The following ANO3 variants were observed in gnomAD, a reference collection of about 807,000 sequenced individuals.
ANO3 encodes the protein anoctamin-3.
ANO3 carries 99 observed loss-of-function variants against 144.8 expected under a neutral mutation model. That is an observed-to-expected ratio of 0.68 (90% CI 0.58 to 0.81). The LOEUF is 0.81. Ranked by LOEUF, ANO3 falls within the 30% of genes least tolerant of loss-of-function variation. ANO3 has a pLI of 0.00. For missense variants in ANO3, 905 were observed against 1,202.2 expected (o/e 0.75, Z 3.66); for synonymous variants, 414 against 392.6 (o/e 1.05, Z -0.64).
At chr11:26,260,308 T>C (rs994567828) in intron 1 of ANO3, among the ~76,000 whole-genome samples, 1 of 152,196 alleles carries the variant, frequency 6.6e-6, no homozygotes, top group Non-Finnish European at 1.5e-5. Context: ...GTCTGCAGTT[T>C]ACACACCACT....
intron 14 of ANO3, among the ~76,000 whole-genome samples, chr11:26,564,743 A>T (rs1850485479): frequency 3.4e-5 from 1 of 29,450 alleles, no homozygotes. Flanking sequence ...ATATATATAT[A>T]TATATATATA....
chr11:26,570,329 C>G (rs1398901790), intron 14 of ANO3, among the ~76,000 whole-genome samples: 1 of 151,990 alleles, frequency 6.6e-6, no homozygotes, highest in Non-Finnish European at 1.5e-5. Context: ...CAAAAAACAC[C>G]TCTGGCCAGT....
exon 1 of ANO3, chr11:26,189,283 G>A: frequency 1.0e-6 from 1 of 985,304 alleles, no homozygotes; most frequent in Non-Finnish European, 1.2e-6. Context: ...GAACTCTCTG[G>A]TGATTCTAGT....
chr11:26,214,920 A>G (rs1297391543), intron 1 of ANO3, among the ~76,000 whole-genome samples: 1 of 151,956 alleles, frequency 6.6e-6, no homozygotes, highest in Non-Finnish European at 1.5e-5. Flanking sequence ...AGTACAGGTC[A>G]AGTATTTTGT....
Position 26,316,363 on chromosome 11 carries a change from C to T in ANO3, c.-3+6644C>T, listed in dbSNP as rs553696733. Among the ~76,000 whole-genome samples the T allele has an allele frequency of 5.9e-5, 9 of 152,140 alleles. No homozygotes were observed. The South Asian group carries it at 1.7e-3, about 28-fold the overall frequency. Reference sequence around the variant, plus strand: ...CATTTGATTATGAGGTGAGATGGTCCCATGGGATGAAGTAATTCTTTAACA... The same window carrying T: ...CATTTGATTATGAGGTGAGATGGTCTCATGGGATGAAGTAATTCTTTAACA... On this transcript the variant is annotated intron_variant, in intron 1 of 26. Coordinates refer to the ANO3 transcript ENST00000525139.
chr11:26,238,878 T>C (rs1008364071), intron 1 of ANO3, among the ~76,000 whole-genome samples: 3 of 152,006 alleles, frequency 2.0e-5, no homozygotes, highest in African/African-American at 7.2e-5. Flanking sequence ...AGTTAAGCTG[T>C]TTCAAATCAT....
intron 1 of ANO3, among the ~76,000 whole-genome samples, chr11:26,420,614 C>G (rs1181096622): frequency 6.6e-6 from 1 of 152,066 alleles, no homozygotes; most frequent in African/African-American, 2.4e-5. Context: ...AATCCTCAAT[C>G]TAAGCACATG....
chr11:26,519,119 A>G lies in ANO3; in HGVS notation c.692+2192A>G, dbSNP rs543125922. Among the ~76,000 whole-genome samples the G allele has an allele frequency of 2.9e-3, 447 of 152,328 alleles. 1 individual carries two copies. The highest frequency in any genetic ancestry group is 1.0e-2 in the African/African-American group (415 of 41,574). On this transcript the variant is annotated intron_variant, in intron 6 of 26. Transcript: ENST00000256737. ...TATGAATTCATCATTGTTTCTAAGCATCATAACTGAATTTATGTACAAACT... is the reference window on the plus strand; with the variant it reads ...TATGAATTCATCATTGTTTCTAAGCGTCATAACTGAATTTATGTACAAACT...
intron 1 of ANO3, among the ~76,000 whole-genome samples, chr11:26,274,670 A>T (rs1853518993): frequency 6.6e-6 from 1 of 152,240 alleles, no homozygotes; most frequent in South Asian, 2.1e-4. Flanking sequence ...GCTACATACA[A>T]ATGACACATA....
intron 3 of ANO3, among the ~76,000 whole-genome samples, chr11:26,454,561 G>C (rs1235621162): frequency 6.6e-6 from 1 of 151,906 alleles, no homozygotes; most frequent in African/African-American, 2.4e-5. Context: ...CCAATAACAG[G>C]AGCTGAAATT....
At chr11:26,301,050 C>T (rs1332973748) in intron 1 of ANO3, among the ~76,000 whole-genome samples, 2 of 148,056 alleles carry the variant, frequency 1.4e-5, no homozygotes, top group African/African-American at 5.2e-5. Context: ...GATGGGGTTT[C>T]ACCATGTTGG....
chr11:26,304,673 A>AT (rs1359519637), upstream of ANO3, among the ~76,000 whole-genome samples: 1 of 152,074 alleles, frequency 6.6e-6, no homozygotes, highest in Admixed American at 6.6e-5. Flanking sequence ...GAACCACCTC[A>AT]TTTTTTACTA....
intron 11 of ANO3, among the ~76,000 whole-genome samples, chr11:26,546,739 C>T (rs1283315982): frequency 6.6e-6 from 1 of 152,014 alleles, no homozygotes; most frequent in Admixed American, 6.6e-5. Context: ...CGCATTAACT[C>T]TCTTAGCATC....
chr11:26,328,926 C>G (rs569143351), upstream of ANO3, among the ~76,000 whole-genome samples: 1 of 151,956 alleles, frequency 6.6e-6, no homozygotes, highest in Admixed American at 6.6e-5. Flanking sequence ...CAGACATTTT[C>G]GCATGTTTAT....
At chr11:26,321,972 G>A (rs571926368) in intron 1 of ANO3, among the ~76,000 whole-genome samples, 3 of 152,004 alleles carry the variant, frequency 2.0e-5, no homozygotes, top group Admixed American at 2.0e-4. Flanking sequence ...TCCAACAACA[G>A]TGTTCATGGT....
At chr11:26,546,628 G>T (rs1456872935) in intron 11 of ANO3, among the ~76,000 whole-genome samples, 2 of 151,988 alleles carry the variant, frequency 1.3e-5, no homozygotes, top group Non-Finnish European at 2.9e-5. Flanking sequence ...AATACCGGCA[G>T]TAGGTTAGGT....
chr11:26,389,569 G>T (rs1856823288), intron 1 of ANO3, among the ~76,000 whole-genome samples: 1 of 151,968 alleles, frequency 6.6e-6, no homozygotes, highest in Admixed American at 6.6e-5. Context: ...TCAAATGGAT[G>T]ATTATAGATA....
chr11:26,622,469 A>T (rs10742151), intron 17 of ANO3, among the ~76,000 whole-genome samples: 4 of 150,270 alleles, frequency 2.7e-5, no homozygotes, highest in Admixed American at 1.3e-4. Context: ...CAGGCATCAT[A>T]GTGGTGTGTA....
chr11:26,518,098 A>G (rs1861928498), intron 6 of ANO3, among the ~76,000 whole-genome samples: 1 of 152,080 alleles, frequency 6.6e-6, no homozygotes, highest in Non-Finnish European at 1.5e-5. Context: ...AAAGATAAAT[A>G]AAGGAAATAA....
Sources: allele counts gnomAD v4.1 joint callset (sites outside exome capture counted in the v4.1 genomes callset), GRCh38; gene constraint gnomAD v4.1.1; transcripts MANE v1.5; gene names NCBI Gene and HGNC (gene_info 2026-07-23, HGNC 2026-07-21).